The following COL1A2 variants were observed in gnomAD, a reference collection of about 807,000 sequenced individuals.
The protein encoded by COL1A2 is collagen type I alpha 2 chain, also known as collagen alpha-2(I) chain.
In COL1A2, 49 loss-of-function variants were observed where a neutral mutation model predicts 174.3. The ratio of observed to expected loss-of-function variants is 0.28; its 90% CI spans 0.22 to 0.36. The LOEUF is 0.36. Ranked by LOEUF, COL1A2 falls within the 10% of genes least tolerant of loss-of-function variation. COL1A2 has a pLI of 1.00. For missense variants in COL1A2, 1,438 were observed against 1,822.7 expected (o/e 0.79, Z 3.84); for synonymous variants, 655 against 606.6 (o/e 1.08, Z -1.17).
chr7:94,395,764 A>G (rs544080814), intron 1 of COL1A2, among the ~76,000 whole-genome samples: 3 of 152,302 alleles, frequency 2.0e-5, no homozygotes, highest in Non-Finnish European at 2.9e-5. Context: ...TAGTCAGTGA[A>G]CCCTGGAAAG....
rs772473302 is a variant in COL1A2, at chr7:94,408,358, G to T, written c.716G>T (p.Ser239Ile). 5.0e-6 allele frequency: 8 copies of T among 1,614,182 alleles called. No homozygotes were observed. Among genetic ancestry groups the T allele is most frequent in the Non-Finnish European group, 6.8e-6 (8 of 1,180,034 alleles). The change falls in exon 15 of 52, where the codon AGT (serine) becomes ATT (isoleucine). Residue 239 changes from serine to isoleucine, a missense_variant. Ser to Ile is a moderately radical substitution (Grantham distance 142). Around this residue, in one of 3 missense-constraint regions of COL1A2, gnomAD observed 281 missense variants for 310.9 expected, o/e 0.90. Coordinates refer to ENST00000297268, the MANE Select transcript of COL1A2 (RefSeq NM_000089.4). ...GPAGARGSDG[S>I]VGPVGPAGPI... is the part of the protein sequence containing the mutation. Reference sequence around the variant, plus strand: ...TAGGGTGCCCGTGGCAGTGATGGAAGTGTGGGTCCCGTGGGTCCTGCTGTA... The same window carrying T: ...TAGGGTGCCCGTGGCAGTGATGGAATTGTGGGTCCCGTGGGTCCTGCTGTA...
chr7:94,425,673 CT>C lies in COL1A2; in HGVS notation c.2835+14del. The C allele has an allele frequency of 6.2e-7, 1 of 1,614,168 alleles. No individual in the cohort carries two copies. The highest frequency in any genetic ancestry group is 8.5e-7 in the Non-Finnish European group (1 of 1,180,024). ...TCAACCCGGACACAAGGTCAGTACA[CT>C]TTTCATCTTTCTCTAATTCAAAAGT... On this transcript the variant is annotated intron_variant, in intron 43 of 51. Transcript: ENST00000297268.
intron 44 of COL1A2, 38 bp downstream of exon 44, chr7:94,425,895 T>TCGTGGG: frequency 1.2e-6 from 2 of 1,604,386 alleles, no homozygotes; most frequent in Non-Finnish European, 1.7e-6. Context: ...TGCAGCATTC[T>TCGTGGG]CGTGGGCTTC....
chr7:94,400,610 C>T (rs1322713051), intron 5 of COL1A2, among the ~76,000 whole-genome samples: 1 of 152,146 alleles, frequency 6.6e-6, no homozygotes, highest in Non-Finnish European at 1.5e-5. Flanking sequence ...TTAGATTGAA[C>T]TGTGTAAGTG....
At chr7:94,417,500 C>A (rs1288883140) in intron 31 of COL1A2, 1 of 543,284 alleles carries the variant, frequency 1.8e-6, no homozygotes, top group African/African-American at 1.9e-5. Flanking sequence ...ATAGAGGAAT[C>A]GCAGCTGTGC....
At chr7:94,425,699 T>C in intron 43 of COL1A2, 36 bp downstream of exon 43, 1 of 1,614,064 alleles carries the variant, frequency 6.2e-7, no homozygotes, top group Non-Finnish European at 8.5e-7. Context: ...AATTCAAAAG[T>C]GATTAAAATG....
At chr7:94,429,166 A>T (rs770514346) in intron 50 of COL1A2, 22 bp from the exon 51 acceptor site, 63 of 1,595,328 alleles carry the variant, frequency 3.9e-5, no homozygotes, top group Non-Finnish European at 4.9e-5. Flanking sequence ...ACTTAACTGG[A>T]ATTTCATCCT....
At chr7:94,400,132 C>A in intron 4 of COL1A2, 64 bp from the exon 5 acceptor site, 1 of 1,448,478 alleles carries the variant, frequency 6.9e-7, no homozygotes, top group Non-Finnish European at 9.7e-7. Context: ...GATCTTACCA[C>A]ATATAATTCT....
chr7:94,426,174 T>G, intron 45 of COL1A2, 123 bp downstream of exon 45: 1 of 955,640 alleles, frequency 1.0e-6, no homozygotes, highest in East Asian at 2.5e-5. Context: ...TTTCAGTCCA[T>G]GCTGAGAATT....
intron 6 of COL1A2, among the ~76,000 whole-genome samples, chr7:94,403,936 T>C (rs1199067351): frequency 1.3e-5 from 2 of 152,164 alleles, no homozygotes; most frequent in Admixed American, 1.3e-4. Flanking sequence ...TTTTCAACAA[T>C]AATATCATAT....
chr7:94,395,457 G>T, intron 1 of COL1A2: 1 of 364,406 alleles, frequency 2.7e-6, no homozygotes, highest in Non-Finnish European at 5.3e-6. Context: ...CACCCCACAG[G>T]CCCCATAACC....
In COL1A2 at chr7:94,430,364, G is replaced by A. The variant is rs762995621; in HGVS notation, c.4072G>A (p.Val1358Met). ...DIGGADQEFFVDIGPVCFK is the reference protein window; with the variant it reads ...DIGGADQEFFMDIGPVCFK ...CGGTGGTGCTGACCAGGAATTCTTT[G>A]TGGACATTGGCCCAGTCTGTTTCAA... Residue 1358 changes from valine to methionine, a missense_variant, in exon 52 of 52, where the codon GTG becomes ATG. By Grantham distance (21) the Val-to-Met change is conservative. Transcript: ENST00000297268. 3.1e-6 allele frequency: 5 copies of A among 1,613,980 alleles called. No homozygotes were observed. Among genetic ancestry groups the A allele is most frequent in the Non-Finnish European group, 4.2e-6 (5 of 1,179,952 alleles).
intron 42 of COL1A2, 149 bp from the exon 43 acceptor site, chr7:94,425,461 G>T: frequency 2.2e-6 from 2 of 911,682 alleles, no homozygotes; most frequent in Non-Finnish European, 1.8e-6. Context: ...AAATATCTAG[G>T]TTGGCAGGTT....
In COL1A2 at chr7:94,427,003, T is replaced by A. The variant is rs374164023; in HGVS notation, c.3106-5T>A. 1 of 1,613,714 alleles carries A rather than the reference T, an allele frequency of 6.2e-7. No individual in the cohort carries two copies. Among genetic ancestry groups the A allele is most frequent in the South Asian group, 1.1e-5 (1 of 91,058 alleles). Reference sequence around the variant, plus strand: ...AAGTGTGATTTTCCTCTTCTGTCTTTAAAGGGTCACCATGGTGATCAAGGT... The same window carrying A: ...AAGTGTGATTTTCCTCTTCTGTCTTAAAAGGGTCACCATGGTGATCAAGGT... On this transcript the variant is annotated splice_polypyrimidine_tract_variant and splice_region_variant and intron_variant, in intron 46 of 51. Coordinates refer to ENST00000297268, the MANE Select transcript of COL1A2 (RefSeq NM_000089.4).
chr7:94,407,027 C>T (rs1297712947), intron 12 of COL1A2, among the ~76,000 whole-genome samples: 2 of 152,176 alleles, frequency 1.3e-5, no homozygotes, highest in South Asian at 2.1e-4. Flanking sequence ...TATAACAGCT[C>T]AGACTACTAA....
rs1189177033 is a variant in COL1A2 at position 94,429,174 on chromosome 7, C to T, written c.3712-14C>T. On this transcript the variant is annotated splice_polypyrimidine_tract_variant and intron_variant, in intron 50 of 51. Coordinates refer to ENST00000297268, the MANE Select transcript of COL1A2 (RefSeq NM_000089.4). ...CTTCTCCACTTAACTGGAATTTCATCCTATTTTCTGTAGTTTGAATATAAT... is the reference window on the plus strand; with the variant it reads ...CTTCTCCACTTAACTGGAATTTCATTCTATTTTCTGTAGTTTGAATATAAT... The T allele has an allele frequency of 1.3e-6, 2 of 1,577,932 alleles. No homozygotes were observed.
chr7:94,405,811 T>A, intron 11 of COL1A2, 85 bp downstream of exon 11: 1 of 1,055,716 alleles, frequency 9.5e-7, no homozygotes, highest in Non-Finnish European at 1.5e-6. Context: ...TTGGGTGACA[T>A]ATACTCACTT....
At chr7:94,424,627 C>G in intron 41 of COL1A2, 184 bp downstream of exon 41, 1 of 599,122 alleles carries the variant, frequency 1.7e-6, no homozygotes, top group Admixed American at 2.9e-5. Flanking sequence ...TAGACACACA[C>G]TATAAAGACA....
At position 94,421,061 on chromosome 7, in the gene COL1A2, C is replaced by G; in HGVS notation, c.2348C>G (p.Pro783Arg). ...PAGSRGDGGPPGMTGFPGAAG... is the reference protein window; with the variant it reads ...PAGSRGDGGPRGMTGFPGAAG... ...GGAAGTCGTGGTGATGGAGGCCCCCCTGTGAGTATTTACAATGGACTCTCG... is the reference window on the plus strand; with the variant it reads ...GGAAGTCGTGGTGATGGAGGCCCCCGTGTGAGTATTTACAATGGACTCTCG... The change falls in exon 38 of 52, where the codon CCT becomes CGT. Residue 783 changes from proline to arginine, a missense_variant and splice_region_variant. Coordinates refer to ENST00000297268, the MANE Select transcript of COL1A2 (RefSeq NM_000089.4). 6.2e-7 allele frequency: 1 copy of G among 1,614,098 alleles called. No homozygotes were observed. Among genetic ancestry groups the G allele is most frequent in the Non-Finnish European group, 8.5e-7 (1 of 1,179,970 alleles).
Sources: gnomAD v4.1 joint callset for allele counts (sites outside exome capture counted in the v4.1 genomes callset) on GRCh38, gnomAD v4.1.1 for gene constraint, gnomAD v4.1.1 regional missense constraint, MANE v1.5 for transcripts, NCBI Gene and HGNC (gene_info 2026-07-23, HGNC 2026-07-21) for gene names.